The following PLXNA4 variants were observed in gnomAD, a reference collection of about 807,000 sequenced individuals.
The protein encoded by PLXNA4 is plexin A4, also known as plexin-A4.
PLXNA4 carries 44 observed loss-of-function variants against 191.8 expected under a neutral mutation model. The observed-to-expected ratio is 0.23, with a 90% CI of 0.18 to 0.29. PLXNA4 has a LOEUF of 0.29. PLXNA4 is among the 10% of genes least tolerant of loss of function. PLXNA4 has a pLI of 1.00. For missense variants in PLXNA4, 1,800 were observed against 2,488.8 expected (o/e 0.72, Z 5.89); for synonymous variants, 1,082 against 1,009.5 (o/e 1.07, Z -1.36).
chr7:132,442,115 G>A lies in PLXNA4; in HGVS notation c.1371+47177C>T, dbSNP rs770330987. 2.6e-5 allele frequency among the ~76,000 whole-genome samples: 4 copies of A among 152,182 alleles called. No individual in the cohort carries two copies. In the South Asian group the frequency reaches 8.3e-4, roughly 32 times the overall value. On this transcript the variant is annotated intron_variant, in intron 3 of 31. Transcript: ENST00000321063. Reference sequence around the variant, plus strand: ...AGCCCCAAGCCCTTAATGATCTCACGTGGCCTTCAGGGACACCCAGGCACT... The same window carrying A: ...AGCCCCAAGCCCTTAATGATCTCACATGGCCTTCAGGGACACCCAGGCACT...
chr7:132,597,857 C>CA (rs1802744031), intron 2 of PLXNA4, among the ~76,000 whole-genome samples: 2 of 58,100 alleles, frequency 3.4e-5, no homozygotes, highest in African/African-American at 7.3e-5. Context: ...CTCTCTCTCT[C>CA]TCTATATATA....
In PLXNA4 at chr7:132,130,453, C is replaced by G; in HGVS notation, c.*26G>C. The G allele has an allele frequency of 6.2e-7, 1 of 1,614,060 alleles. No homozygotes were observed. The highest frequency in any genetic ancestry group is 8.5e-7 in the Non-Finnish European group (1 of 1,179,952). On this transcript the variant is annotated 3_prime_UTR_variant, in exon 32 of 32. Coordinates refer to ENST00000321063, the MANE Select transcript of PLXNA4 (RefSeq NM_020911.2). ...GAGGCACGGCTTGGTGTGTCCCCCT[C>G]CAGGGCGGCCCTGGAAGGACGGTTC...
intron 4 of PLXNA4, among the ~76,000 whole-genome samples, chr7:132,284,683 C>T (rs989361018): frequency 1.3e-5 from 2 of 152,122 alleles, no homozygotes; most frequent in African/African-American, 4.8e-5. Context: ...GGTCTGCTCT[C>T]GGTCACTCTT....
At chr7:132,636,037 G>A (rs1312914613) in intron 2 of PLXNA4, among the ~76,000 whole-genome samples, 4 of 152,200 alleles carry the variant, frequency 2.6e-5, no homozygotes, top group Non-Finnish European at 5.9e-5. Context: ...AGAGCTTCAG[G>A]AGTGGGCATC....
intron 3 of PLXNA4, among the ~76,000 whole-genome samples, chr7:132,342,993 A>C (rs1037414010): frequency 1.3e-5 from 2 of 151,780 alleles, no homozygotes; most frequent in Admixed American, 1.3e-4. Context: ...AGATATTTAC[A>C]CAAGGGATGG....
chr7:132,627,606 G>A (rs1209119713), intron 2 of PLXNA4, among the ~76,000 whole-genome samples: 1 of 152,146 alleles, frequency 6.6e-6, no homozygotes, highest in Non-Finnish European at 1.5e-5. Context: ...ATTAGGTCAC[G>A]AGGGCTCCAC....
At chr7:132,474,222 A>T (rs915038697) in intron 3 of PLXNA4, among the ~76,000 whole-genome samples, 1,419 of 139,726 alleles carry the variant, frequency 0.01, 22 homozygotes, top group African/African-American at 0.028. Flanking sequence ...TCTCACACAC[A>T]CACACACACA....
chr7:132,516,074 T>A (rs1280794885), intron 1 of PLXNA4, among the ~76,000 whole-genome samples: 4 of 152,216 alleles, frequency 2.6e-5, no homozygotes, highest in African/African-American at 9.7e-5. Flanking sequence ...GCAGTGGGTA[T>A]CATGTACAGC....
At chr7:132,272,574 T>A (rs1800117844) in intron 4 of PLXNA4, among the ~76,000 whole-genome samples, 1 of 152,224 alleles carries the variant, frequency 6.6e-6, no homozygotes, top group Admixed American at 6.5e-5. Context: ...AGTCAGTTGG[T>A]CTCTTTCATT....
intron 3 of PLXNA4, among the ~76,000 whole-genome samples, chr7:132,311,195 C>CGCGCGT (rs1554411091): frequency 0.048 from 5,741 of 118,798 alleles, 152 homozygotes; most frequent in Non-Finnish European, 0.057. Flanking sequence ...TGTGTGTGTG[C>CGCGCGT]GCGTGTGGCC....
intron 1 of PLXNA4, among the ~76,000 whole-genome samples, chr7:132,532,330 C>T (rs1799649849): frequency 2.0e-5 from 3 of 152,142 alleles, no homozygotes; most frequent in Non-Finnish European, 4.4e-5. Flanking sequence ...CACTTGGTGG[C>T]CTTTTATAAA....
rs1794844746 is a variant in PLXNA4 at position 132,128,614 on chromosome 7, A to ACAC, written c.*1862_*1864dup. 6.6e-6 allele frequency: 1 copy of ACAC among 152,124 alleles called. No homozygotes were observed. 9.4% of individuals were successfully genotyped at this position (152,124 alleles called of 1,614,324 possible). A position where few individuals can be genotyped will look rare whatever the true frequency, so the allele number is the denominator to read the frequency against. On this transcript the variant is annotated 3_prime_UTR_variant, in exon 32 of 32. Transcript: ENST00000321063. ...CTTTCCGCCTACACCTGGGGCAGAC[A>ACAC]CACACACACACATACATGTGCTCAC... is the stretch of plus-strand genomic sequence containing the variant.
At chr7:132,350,209 T>C (rs1453773358) in intron 3 of PLXNA4, among the ~76,000 whole-genome samples, 1 of 152,114 alleles carries the variant, frequency 6.6e-6, no homozygotes, top group Non-Finnish European at 1.5e-5. Context: ...AGATCAAGAA[T>C]ACATTAACTC....
intron 25 of PLXNA4, among the ~76,000 whole-genome samples, chr7:132,158,520 CA>C (rs1310380627): frequency 1.3e-5 from 2 of 152,228 alleles, no homozygotes; most frequent in Non-Finnish European, 2.9e-5. Context: ...TAATCAGTGA[CA>C]GCAGCCAATA....
At chr7:132,180,082 G>C (rs1796657090) in intron 19 of PLXNA4, among the ~76,000 whole-genome samples, 161 bp from the exon 20 acceptor site, 1 of 152,180 alleles carries the variant, frequency 6.6e-6, no homozygotes, top group African/African-American at 2.4e-5. Context: ...TGGGAGCGGG[G>C]ACAGGCACAG....
intron 3 of PLXNA4, among the ~76,000 whole-genome samples, chr7:132,466,444 G>A (rs978231637): frequency 1.3e-5 from 2 of 152,200 alleles, no homozygotes; most frequent in African/African-American, 2.4e-5. Context: ...CCTTAGCAAC[G>A]ATAAGCATAT....
chr7:132,223,736 A>AT, intron 8 of PLXNA4, 95 bp from the exon 9 acceptor site: 1 of 940,128 alleles, frequency 1.1e-6, no homozygotes, highest in Non-Finnish European at 1.7e-6. Context: ...CATTTTTAGT[A>AT]TTAAGAGAAA....
rs565287418 is a variant in PLXNA4 at position 132,178,334 on chromosome 7, T to C, written c.3874+1353A>G. Among the ~76,000 whole-genome samples the C allele has an allele frequency of 3.3e-5, 5 of 152,010 alleles. No individual in the cohort carries two copies. The East Asian group carries it at 7.7e-4, about 24-fold the overall frequency. ...TGCTCTAGTGGGGTGAAGGTGACAA[T>C]CCTGGGTGGGAGCTCCCCTCGGCTG... On this transcript the variant is annotated intron_variant, in intron 20 of 31. Coordinates refer to ENST00000321063, the MANE Select transcript of PLXNA4 (RefSeq NM_020911.2).
At chr7:132,484,694 C>G in intron 3 of PLXNA4, 2 of 1,458,796 alleles carry the variant, frequency 1.4e-6, no homozygotes, top group Non-Finnish European at 1.8e-6. Flanking sequence ...TGTTCCTAGT[C>G]TATTTGGTGT....
Sources: gnomAD v4.1 joint callset for allele counts (sites outside exome capture counted in the v4.1 genomes callset) on GRCh38, gnomAD v4.1.1 for gene constraint, MANE v1.5 for transcripts, NCBI Gene and HGNC (gene_info 2026-07-23, HGNC 2026-07-21) for gene names.